PGGT1B: variants seen among roughly 807,000 people sequenced by gnomAD.
PGGT1B encodes protein geranylgeranyltransferase type I subunit beta.
In PGGT1B, 30 loss-of-function variants were observed where a neutral mutation model predicts 46.1. The observed-to-expected ratio is 0.65, with a 90% CI of 0.49 to 0.88. The LOEUF (loss-of-function observed/expected upper bound fraction) is 0.88, where lower values mean the gene tolerates loss of function less well. Ranked by LOEUF, PGGT1B falls within the 40% of genes least tolerant of loss-of-function variation. The probability of loss-of-function intolerance (pLI) is 0.00; values close to 1 mark genes in which losing one functional copy is unlikely to be tolerated. For missense variants in PGGT1B, 376 were observed against 455.9 expected (o/e 0.82, Z 1.60); for synonymous variants, 170 against 160.0 (o/e 1.06, Z -0.47).
intron 1 of PGGT1B, among the ~76,000 whole-genome samples, chr5:115,257,284 G>A (rs1466736601): frequency 1.3e-5 from 2 of 152,120 alleles, no homozygotes; most frequent in African/African-American, 4.8e-5. Flanking sequence ...AGGTCAAAGC[G>A]GGTGGATCAA....
intron 5 of PGGT1B, chr5:115,231,837 C>T (rs958316260): frequency 1.3e-5 from 2 of 152,104 alleles, no homozygotes; most frequent in African/African-American, 2.4e-5. Context: ...TCAGTAACCA[C>T]AGCAGCATAT....
At chr5:115,217,401 T>C (rs1010655861) in intron 7 of PGGT1B, among the ~76,000 whole-genome samples, 3 of 152,062 alleles carry the variant, frequency 2.0e-5, no homozygotes, top group African/African-American at 7.2e-5. Flanking sequence ...CAAAAATTAC[T>C]AACCAGATGC....
intron 6 of PGGT1B, among the ~76,000 whole-genome samples, chr5:115,229,417 A>G (rs1388085052): frequency 6.6e-6 from 1 of 152,118 alleles, no homozygotes; most frequent in Non-Finnish European, 1.5e-5. Context: ...TTATAGATAG[A>G]AGGAAGATAT....
chr5:115,261,859 G>A (rs906259443), intron 1 of PGGT1B, among the ~76,000 whole-genome samples: 1 of 152,110 alleles, frequency 6.6e-6, no homozygotes, highest in Admixed American at 6.5e-5. Context: ...TGCTTGTCTT[G>A]TTCAGCTGTA....
At chr5:115,225,444 A>C (rs796912870) in intron 6 of PGGT1B, among the ~76,000 whole-genome samples, 73 of 152,318 alleles carry the variant, frequency 4.8e-4, no homozygotes, top group African/African-American at 1.6e-3. Flanking sequence ...TAACAGTTAT[A>C]ACTTATTTTG....
chr5:115,233,624 A>T (rs1757069517), intron 5 of PGGT1B, among the ~76,000 whole-genome samples: 1 of 151,896 alleles, frequency 6.6e-6, no homozygotes, highest in Admixed American at 6.6e-5. Context: ...TCTGGCCTGC[A>T]GTCTGGATTT....
At chr5:115,238,638 T>A (rs996425460) in intron 3 of PGGT1B, among the ~76,000 whole-genome samples, 1 of 152,086 alleles carries the variant, frequency 6.6e-6, no homozygotes, top group Non-Finnish European at 1.5e-5. Flanking sequence ...TATAAGAAAC[T>A]AAAAAACGAT....
At chr5:115,225,994 T>C (rs925418794) in intron 6 of PGGT1B, among the ~76,000 whole-genome samples, 10 of 151,240 alleles carry the variant, frequency 6.6e-5, no homozygotes, top group Non-Finnish European at 1.5e-4. Flanking sequence ...TTAATATTTA[T>C]CTTTATAATT....
intron 7 of PGGT1B, among the ~76,000 whole-genome samples, chr5:115,218,258 A>C (rs1477831261): frequency 6.6e-6 from 1 of 151,566 alleles, no homozygotes; most frequent in African/African-American, 2.4e-5. Context: ...AAGAATTAAA[A>C]CATTTTTAAA....
intron 4 of PGGT1B, among the ~76,000 whole-genome samples, chr5:115,237,217 C>A (rs1018321107): frequency 6.6e-6 from 1 of 152,090 alleles, no homozygotes; most frequent in Non-Finnish European, 1.5e-5. Context: ...AAAACACTGA[C>A]GGGAAAACAG....
intron 1 of PGGT1B, among the ~76,000 whole-genome samples, chr5:115,254,107 T>A (rs1248237047): frequency 2.6e-5 from 4 of 152,088 alleles, no homozygotes; most frequent in African/African-American, 7.2e-5. Flanking sequence ...CTACCTGATG[T>A]ATTCTGTAAT....
chr5:115,224,196 T>C (rs1309472806), intron 6 of PGGT1B, among the ~76,000 whole-genome samples: 1 of 152,186 alleles, frequency 6.6e-6, no homozygotes, highest in Non-Finnish European at 1.5e-5. Flanking sequence ...ACTCACTAGT[T>C]CCAATTTTTC....
rs1436214385 is a variant in PGGT1B, at chr5:115,208,869, AAAT to A, written c.*3530_*3532del. The stretch of plus-strand genomic sequence containing the variant: ...TCATATTTGCATTTTATTTTTTGGC[AAAT>A]ATTAGGTTTTTATCTGTCTTGTGGT... On this transcript the variant is annotated 3_prime_UTR_variant, in exon 9 of 9. Transcript: ENST00000419445. 2.6e-5 allele frequency: 4 copies of A among 151,860 alleles called. No individual in the cohort carries two copies. The East Asian group carries it at 7.7e-4, about 29-fold the overall frequency. The allele number at this position is 151,860 out of a possible 1,614,324, so 9.4% of individuals were successfully genotyped here.
intron 2 of PGGT1B, among the ~76,000 whole-genome samples, chr5:115,245,724 T>C (rs1580772058): frequency 6.6e-6 from 1 of 152,224 alleles, no homozygotes; most frequent in South Asian, 2.1e-4. Context: ...AAAATGTTTT[T>C]CTTTTTTTTT....
At chr5:115,255,459 G>A (rs1054568056) in intron 1 of PGGT1B, among the ~76,000 whole-genome samples, 7 of 152,072 alleles carry the variant, frequency 4.6e-5, no homozygotes, top group Non-Finnish European at 7.4e-5. Context: ...TAACCCTCCC[G>A]GAGAGCTCTA....
intron 2 of PGGT1B, among the ~76,000 whole-genome samples, chr5:115,244,479 A>AAAG (rs1221994533): frequency 3.2e-4 from 47 of 148,984 alleles, no homozygotes; most frequent in African/African-American, 1.0e-3. Context: ...AAAAAAAAAA[A>AAAG]AAAAAAAAAA....
At chr5:115,258,573 T>C (rs902091559) in intron 1 of PGGT1B, among the ~76,000 whole-genome samples, 1 of 152,222 alleles carries the variant, frequency 6.6e-6, no homozygotes, top group African/African-American at 2.4e-5. Context: ...AGAGAACTAA[T>C]TGAAGTTTTC....
intron 2 of PGGT1B, among the ~76,000 whole-genome samples, chr5:115,247,213 G>A (rs913452369): frequency 7.9e-5 from 12 of 152,102 alleles, no homozygotes; most frequent in South Asian, 2.1e-4. Context: ...TTTAAAAAAC[G>A]GTTATAAACT....
At chr5:115,212,640 G>T in intron 8 of PGGT1B, 57 bp from the exon 9 acceptor site, 2 of 1,201,266 alleles carry the variant, frequency 1.7e-6, no homozygotes, top group Non-Finnish European at 1.2e-6. Flanking sequence ...ACATTCTACA[G>T]AATATTTTAG....
Sources: allele counts gnomAD v4.1 joint callset (sites outside exome capture counted in the v4.1 genomes callset), GRCh38; gene constraint gnomAD v4.1.1; transcripts MANE v1.5; gene names NCBI Gene and HGNC (gene_info 2026-07-23, HGNC 2026-07-21).